TSNARE1: variants seen among roughly 807,000 people sequenced by gnomAD.
The protein encoded by TSNARE1 is t-SNARE domain-containing protein 1.
TSNARE1 carries 49 observed loss-of-function variants against 62.0 expected under a neutral mutation model. The observed-to-expected ratio is 0.79, with a 90% CI of 0.63 to 1.00. The LOEUF (loss-of-function observed/expected upper bound fraction) is 1.00, where lower values mean the gene tolerates loss of function less well. Ranked by LOEUF, TSNARE1 falls within the 50% of genes least tolerant of loss-of-function variation. The pLI, the probability that TSNARE1 is intolerant of heterozygous loss-of-function variation, is 0.00. For missense variants in TSNARE1, 755 were observed against 700.1 expected, an observed-to-expected ratio of 1.08 and a Z score of -0.88; for synonymous variants, 328 against 294.4, an observed-to-expected ratio of 1.11 and a Z score of -1.17.
At chr8:142,282,494 G>T (rs1357761040) in intron 11 of TSNARE1, among the ~76,000 whole-genome samples, 1 of 151,574 alleles carries the variant, frequency 6.6e-6, no homozygotes, top group African/African-American at 2.4e-5. Context: ...GAGCAAAGGC[G>T]GGGTCAGTGT....
At position 142,383,647 on chromosome 8, in the gene TSNARE1, G is replaced by A. The variant is rs780470740; in HGVS notation, c.-40+19457C>T. ...CGGCAGGGGGCAGGAGTGTGGACAC[G>A]TATTTGCTAAGTGCCTACTGTGTGC... On this transcript the variant is annotated intron_variant, in intron 1 of 13. Transcript: ENST00000524325. 5.9e-4 allele frequency among the ~76,000 whole-genome samples: 90 copies of A among 152,330 alleles called. 1 individual carries two copies. The highest frequency in any genetic ancestry group is 1.0e-3 in the Non-Finnish European group (68 of 68,022).
chr8:142,252,750 C>CG (rs1818237160), intron 12 of TSNARE1, among the ~76,000 whole-genome samples: 2 of 152,176 alleles, frequency 1.3e-5, no homozygotes, highest in African/African-American at 4.8e-5. Flanking sequence ...TTCTTGTGTG[C>CG]AACAGTTTGG....
intron 10 of TSNARE1, 110 bp from the exon 11 acceptor site, chr8:142,284,595 A>T: frequency 2.4e-6 from 2 of 821,266 alleles, no homozygotes; most frequent in East Asian, 4.9e-5. Context: ...CACCTGCAGA[A>T]TCAGGAACCA....
At chr8:142,367,230 AC>A (rs1835613868) in intron 1 of TSNARE1, among the ~76,000 whole-genome samples, 1 of 152,220 alleles carries the variant, frequency 6.6e-6, no homozygotes, top group Non-Finnish European at 1.5e-5. Flanking sequence ...ATGGAGCTGG[AC>A]AAGTTGGCAG....
At chr8:142,368,440 G>C (rs187601602) in intron 1 of TSNARE1, among the ~76,000 whole-genome samples, 1 of 148,568 alleles carries the variant, frequency 6.7e-6, no homozygotes, top group African/African-American at 2.5e-5. Flanking sequence ...AGTGCTGCCC[G>C]AACCTAACAA....
At chr8:142,322,966 C>T (rs1156409438) in intron 6 of TSNARE1, among the ~76,000 whole-genome samples, 2 of 149,392 alleles carry the variant, frequency 1.3e-5, no homozygotes, top group East Asian at 2.0e-4. Flanking sequence ...GGTTGGACAA[C>T]GATACTATTA....
At chr8:142,329,948 C>T (rs974038248) in intron 6 of TSNARE1, among the ~76,000 whole-genome samples, 1 of 152,230 alleles carries the variant, frequency 6.6e-6, no homozygotes, top group African/African-American at 2.4e-5. Context: ...ACGGAGCCGC[C>T]GTGAGGAGGA....
At chr8:142,330,168 C>G (rs1191304422) in intron 6 of TSNARE1, among the ~76,000 whole-genome samples, 2 of 152,212 alleles carry the variant, frequency 1.3e-5, no homozygotes, top group African/African-American at 2.4e-5. Context: ...CAGGCCAGCA[C>G]AGGAGGTCAC....
chr8:142,212,360 C>T (rs1275043300), intron 13 of TSNARE1, 47 bp from the exon 14 acceptor site: 1 of 152,334 alleles, frequency 6.6e-6, no homozygotes, highest in African/African-American at 2.4e-5. Flanking sequence ...GACCAGGTGA[C>T]AGGGAGAGCT....
At chr8:142,392,149 G>A (rs529340625) in intron 1 of TSNARE1, among the ~76,000 whole-genome samples, 3 of 152,156 alleles carry the variant, frequency 2.0e-5, no homozygotes, top group African/African-American at 4.8e-5. Flanking sequence ...TCAGCCTCCC[G>A]AGTGGCTGGG....
chr8:142,337,091 GAGAA>G (rs1337177016), intron 4 of TSNARE1, among the ~76,000 whole-genome samples: 1 of 152,092 alleles, frequency 6.6e-6, no homozygotes, highest in East Asian at 1.9e-4. Flanking sequence ...AAGTAAGCAG[GAGAA>G]AGAAATAATA....
intron 12 of TSNARE1, among the ~76,000 whole-genome samples, chr8:142,238,112 C>G (rs375601136): frequency 8.5e-5 from 13 of 152,070 alleles, no homozygotes; most frequent in South Asian, 6.2e-4. Flanking sequence ...CGTTACCCGC[C>G]CCCCCTCCAC....
chr8:142,276,844 T>C (rs1820584348), intron 11 of TSNARE1: 2 of 985,306 alleles, frequency 2.0e-6, no homozygotes, highest in African/African-American at 1.7e-5. Context: ...TTAGCCAGCA[T>C]GGCACTGCCC....
intron 2 of TSNARE1, among the ~76,000 whole-genome samples, chr8:142,348,273 G>A (rs907424727): frequency 5.9e-5 from 9 of 152,086 alleles, no homozygotes; most frequent in African/African-American, 1.7e-4. Flanking sequence ...GAGAGCCTTC[G>A]ACGATGTGAT....
chr8:142,358,099 G>A (rs36172883), intron 1 of TSNARE1, among the ~76,000 whole-genome samples: 1,946 of 71,326 alleles, frequency 0.027, 410 homozygotes, highest in African/African-American at 0.16. Context: ...TTCAGGACAA[G>A]GGGAACAGCC....
intron 1 of TSNARE1, among the ~76,000 whole-genome samples, chr8:142,381,504 C>G (rs1457158628): frequency 6.6e-6 from 1 of 151,916 alleles, no homozygotes; most frequent in Non-Finnish European, 1.5e-5. Context: ...GGGTGGAGGT[C>G]AGGGTGGGCT....
At chr8:142,300,157 G>A (rs571602257) in intron 10 of TSNARE1, 2 of 227,806 alleles carry the variant, frequency 8.8e-6, no homozygotes, top group Admixed American at 1.1e-4. Flanking sequence ...ACAGCCTCCT[G>A]GAAGTCTAAC....
chr8:142,218,106 TGTGTGACCAGGATCAGGGCTCC>T (rs1428596451), intron 13 of TSNARE1, among the ~76,000 whole-genome samples: 1 of 55,288 alleles, frequency 1.8e-5, no homozygotes, highest in Non-Finnish European at 3.7e-5. Flanking sequence ...CAGGGCTCAG[TGTGTGACCAGGATCAGGGCTCC>T]GTGTGACCAG....
At chr8:142,373,738 AG>A (rs909635365) in intron 1 of TSNARE1, among the ~76,000 whole-genome samples, 1 of 151,774 alleles carries the variant, frequency 6.6e-6, no homozygotes, top group Non-Finnish European at 1.5e-5. Flanking sequence ...GCTGCCCATC[AG>A]GGCGAGACCT....
Sources: allele counts gnomAD v4.1 joint callset (sites outside exome capture counted in the v4.1 genomes callset), GRCh38; gene constraint gnomAD v4.1.1; transcripts MANE v1.5; gene names NCBI Gene and HGNC (gene_info 2026-07-23, HGNC 2026-07-21).